CROCC: variants seen among roughly 807,000 people sequenced by gnomAD.
CROCC encodes the protein rootletin.
CROCC carries 180 observed loss-of-function variants against 245.2 expected under a neutral mutation model. That is an observed-to-expected ratio of 0.73 (90% confidence interval 0.65 to 0.83). The LOEUF (loss-of-function observed/expected upper bound fraction) is 0.83, where lower values mean the gene tolerates loss of function less well. Ranked by LOEUF, CROCC falls within the 40% of genes least tolerant of loss-of-function variation. CROCC has a pLI of 0.00. For synonymous variants in CROCC, 1,205 were observed against 1,241.6 expected (o/e 0.97, Z 0.62); for missense variants, 2,688 against 2,779.4 (o/e 0.97, Z 0.74).
intron 20 of CROCC, 69 bp downstream of exon 20, chr1:16,951,191 C>G: frequency 7.5e-7 from 1 of 1,336,894 alleles, no homozygotes; most frequent in South Asian, 1.7e-5. Context: ...TGCTCTGCCT[C>G]GGTCTCTACA....
At chr1:16,949,965 C>G (rs1289089176) in intron 19 of CROCC, among the ~76,000 whole-genome samples, 1 of 150,614 alleles carries the variant, frequency 6.6e-6, no homozygotes, top group Non-Finnish European at 1.5e-5. Context: ...GACGGGGTTT[C>G]GCCATGTTGG....
chr1:16,929,214 T>A (rs2075607147), intron 3 of CROCC, among the ~76,000 whole-genome samples: 1 of 152,290 alleles, frequency 6.6e-6, no homozygotes, highest in Admixed American at 6.5e-5. Flanking sequence ...ATGAGGGGGT[T>A]CCTTCGTGTC....
chr1:16,926,712 A>G (rs2100339624), intron 3 of CROCC, among the ~76,000 whole-genome samples: 1 of 152,360 alleles, frequency 6.6e-6, no homozygotes, highest in African/African-American at 2.4e-5. Flanking sequence ...CGCAGCTGGG[A>G]ATGGAAAGGA....
intron 18 of CROCC, 46 bp downstream of exon 18, chr1:16,948,570 G>T: frequency 6.7e-7 from 1 of 1,484,956 alleles, no homozygotes; most frequent in Non-Finnish European, 8.9e-7. Flanking sequence ...GGTCCTCCTG[G>T]GGCCACACCA....
In CROCC at chr1:16,954,325, CGAGATGCCCA is replaced by C. The variant is rs1287608998; in HGVS notation, c.3293_3302del (p.Asp1098AlafsTer10). 6.2e-7 allele frequency: 1 copy of C among 1,611,922 alleles called. No homozygotes were observed. The highest frequency in any genetic ancestry group is 1.3e-5 in the African/African-American group (1 of 74,906). On this transcript the variant is annotated frameshift_variant, in exon 22 of 37. Transcript: ENST00000375541. LOFTEE classifies it high-confidence loss of function. The surrounding 1 kb of genome is among the most constrained non-coding windows in gnomAD (Gnocchi z 4.4). ...CTCCCTGGAGATGGAGCGGCAGAAA[CGAGATGCCCA>C]GAGCCGGCAGGAGCAGGACCGGGTA...
intron 26 of CROCC, among the ~76,000 whole-genome samples, chr1:16,959,148 G>C (rs574624952): frequency 6.6e-6 from 1 of 152,236 alleles, no homozygotes; most frequent in Non-Finnish European, 1.5e-5. Flanking sequence ...TCAGCCTCCC[G>C]AGTATCTGGG....
At chr1:16,958,185 C>T (rs925243871) in intron 25 of CROCC, among the ~76,000 whole-genome samples, 2 of 152,122 alleles carry the variant, frequency 1.3e-5, no homozygotes, top group African/African-American at 4.8e-5. Flanking sequence ...CAAGATTAAA[C>T]GAGTTAATAT....
At position 16,966,193 on chromosome 1, in the gene CROCC, C is replaced by G. The variant is rs1570712419; in HGVS notation, c.4696+74C>G. On this transcript the variant is annotated intron_variant, in intron 29 of 36. Transcript: ENST00000375541. The surrounding 1 kb of genome is among the most constrained non-coding windows in gnomAD (Gnocchi z 4.8). ...GTTGAGGCAGGAGCCGGGGGATTGG[C>G]CTCTGACCTTGCCGTGGCCCCCATG... The G allele has an allele frequency of 6.5e-7, 1 of 1,545,978 alleles. No homozygotes were observed. Among genetic ancestry groups the G allele is most frequent in the Non-Finnish European group, 8.8e-7 (1 of 1,142,098 alleles).
At chr1:16,958,531 G>T in intron 25 of CROCC, 52 bp from the exon 26 acceptor site, 1 of 1,544,404 alleles carries the variant, frequency 6.5e-7, no homozygotes, top group Non-Finnish European at 8.7e-7. Flanking sequence ...GGCCAGAACT[G>T]GGAGGGTACA....
At chr1:16,945,152 G>C (rs1053322925) in intron 14 of CROCC, among the ~76,000 whole-genome samples, 1 of 152,288 alleles carries the variant, frequency 6.6e-6, no homozygotes, top group African/African-American at 2.4e-5. Context: ...AGAATTGCTT[G>C]AACCTGGGAG....
chr1:16,934,685 A>C (rs1325930338), intron 8 of CROCC, among the ~76,000 whole-genome samples: 9 of 152,274 alleles, frequency 5.9e-5, no homozygotes, highest in African/African-American at 2.2e-4. Context: ...CATGTTCACA[A>C]GGTTCACATT....
At chr1:16,963,138 G>A (rs1335847370) in intron 27 of CROCC, among the ~76,000 whole-genome samples, 2 of 148,666 alleles carry the variant, frequency 1.3e-5, no homozygotes, top group African/African-American at 5.0e-5. Flanking sequence ...AGCCGAGATC[G>A]CACCATTGCA....
intron 9 of CROCC, 80 bp downstream of exon 9, chr1:16,936,953 T>G: frequency 7.1e-7 from 1 of 1,410,448 alleles, no homozygotes; most frequent in Non-Finnish European, 9.8e-7. Context: ...AGGGAGCATC[T>G]GTTCACTAGG....
chr1:16,969,431 C>A, intron 32 of CROCC, 91 bp downstream of exon 32: 2 of 1,269,036 alleles, frequency 1.6e-6, no homozygotes, highest in Non-Finnish European at 2.2e-6. Flanking sequence ...AGAGAGCCAG[C>A]CAATGGGGCA....
intron 23 of CROCC, 141 bp from the exon 24 acceptor site, chr1:16,955,171 C>A: frequency 1.2e-6 from 1 of 839,316 alleles, no homozygotes; most frequent in Non-Finnish European, 1.9e-6. Context: ...ACGCCTTGCT[C>A]AAATGATAAC....
chr1:16,952,924 T>A (rs543214220), intron 20 of CROCC, among the ~76,000 whole-genome samples: 3 of 152,244 alleles, frequency 2.0e-5, no homozygotes, highest in Non-Finnish European at 4.4e-5. Context: ...CGGCCTGTCC[T>A]GGCCCCACCC....
rs1387711901 is a variant in CROCC at position 16,946,128 on chromosome 1, T to C, written c.2137-131T>C. ...CTGCGGTGATTTTTTTTTTTCCATC[T>C]CACACTGTGTCCCCTCCTTGTCTCC... On this transcript the variant is annotated intron_variant, in intron 15 of 36. Coordinates refer to ENST00000375541, the MANE Select transcript of CROCC (RefSeq NM_014675.5). 5.7e-6 allele frequency: 6 copies of C among 1,059,396 alleles called. No homozygotes were observed. In the African/African-American group the frequency reaches 7.8e-5, roughly 14 times the overall value. The allele number at this position is 1,059,396 out of a possible 1,614,324, so 65.6% of individuals were successfully genotyped here.
rs2076322752 is a variant in CROCC, at chr1:16,961,007, G to A, written c.4282G>A (p.Ala1428Thr). The A allele has an allele frequency of 4.6e-6, 6 of 1,304,806 alleles. No homozygotes were observed. The highest frequency in any genetic ancestry group is 5.8e-6 in the Non-Finnish European group (6 of 1,033,654). 80.8% of individuals were successfully genotyped at this position (1,304,806 alleles called of 1,614,324 possible). A position where few individuals can be genotyped will look rare whatever the true frequency, so the allele number is the denominator to read the frequency against. The stretch of plus-strand genomic sequence containing the variant: ...GGCCCGCGTGGAGGTGCAGCGGCGC[G>A]CGGCGGAGGCCCAGCTGGGTGGCCT... ...ELARVEVQRRAAEAQLGGLRS... is the reference protein window; with the variant it reads ...ELARVEVQRRTAEAQLGGLRS... The change falls in exon 27 of 37, where the codon GCG becomes ACG. Residue 1428 changes from alanine to threonine, a missense_variant. Around this residue, in one of 9 missense-constraint regions of CROCC, gnomAD observed 1,218 missense variants for 1,286.3 expected, o/e 0.95. Coordinates refer to ENST00000375541, the MANE Select transcript of CROCC (RefSeq NM_014675.5).
chr1:16,921,350 A>G (rs1483806940), upstream of CROCC, among the ~76,000 whole-genome samples: 4 of 152,390 alleles, frequency 2.6e-5, no homozygotes, highest in African/African-American at 9.6e-5. Flanking sequence ...TCGAGGCTCT[A>G]CCACTGTGTC....
Sources: allele counts gnomAD v4.1 joint callset (sites outside exome capture counted in the v4.1 genomes callset), GRCh38; gene constraint gnomAD v4.1.1; regional missense constraint gnomAD v4.1.1; non-coding constraint Gnocchi (gnomAD v3.1); transcripts MANE v1.5; gene names NCBI Gene and HGNC (gene_info 2026-07-23, HGNC 2026-07-21).